The following PTPRD variants were observed in gnomAD, a reference collection of about 807,000 sequenced individuals.
PTPRD encodes the protein protein tyrosine phosphatase receptor type D, also known as receptor-type tyrosine-protein phosphatase delta.
A neutral mutation model predicts 214.5 loss-of-function variants in PTPRD; 34 were observed. The ratio of observed to expected loss-of-function variants is 0.16; its 90% CI spans 0.12 to 0.21. PTPRD has a LOEUF of 0.21. Among genes scored for constraint, PTPRD ranks in the 10% least tolerant of loss-of-function variants. The pLI, the probability that PTPRD is intolerant of heterozygous loss-of-function variation, is 1.00. For synonymous variants in PTPRD, 1,128 were observed against 845.7 expected (o/e 1.33, Z -5.79); for missense variants, 2,545 against 2,398.7 (o/e 1.06, Z -1.27).
intron 22 of PTPRD, 57 bp from the exon 23 acceptor site, chr9:8,504,462 A>C (rs1476087616): frequency 1.9e-6 from 3 of 1,582,378 alleles, no homozygotes; most frequent in Non-Finnish European, 2.6e-6. Context: ...AATACTTTTT[A>C]ATCATACTGT....
intron 5 of PTPRD, among the ~76,000 whole-genome samples, chr9:9,833,259 A>G (rs915298270): frequency 6.6e-6 from 1 of 152,020 alleles, no homozygotes; most frequent in Admixed American, 6.6e-5. Context: ...TACAAAAGAG[A>G]TAAATTTTAA....
intron 8 of PTPRD, among the ~76,000 whole-genome samples, chr9:9,550,389 CTATATATATGAAATGTATAAT>C (rs927661491): frequency 9.0e-5 from 13 of 144,750 alleles, no homozygotes; most frequent in South Asian, 6.5e-4. Flanking sequence ...AGTTCTCTCT[CTATATATATGAAATGTATAAT>C]TTTATATATA....
chr9:10,502,477 A>T (rs1023364057), intron 2 of PTPRD, among the ~76,000 whole-genome samples: 3 of 152,006 alleles, frequency 2.0e-5, no homozygotes, highest in Non-Finnish European at 2.9e-5. Flanking sequence ...TAAGGTAAAA[A>T]AGTTGACTCC....
intron 33 of PTPRD, among the ~76,000 whole-genome samples, chr9:8,457,152 C>G (rs1442486859): frequency 6.6e-6 from 1 of 152,010 alleles, no homozygotes; most frequent in Non-Finnish European, 1.5e-5. Flanking sequence ...ATTATCTGGT[C>G]CACCCACTAA....
At chr9:9,621,564 A>C (rs2095239883) in intron 7 of PTPRD, among the ~76,000 whole-genome samples, 1 of 152,232 alleles carries the variant, frequency 6.6e-6, no homozygotes, top group South Asian at 2.1e-4. Flanking sequence ...GTGGATGCTC[A>C]GTGTGAAAGC....
intron 11 of PTPRD, among the ~76,000 whole-genome samples, chr9:8,915,020 G>T (rs2098774687): frequency 6.6e-6 from 1 of 152,148 alleles, no homozygotes; most frequent in African/African-American, 2.4e-5. Context: ...GAGAACACAT[G>T]TTCAAGGAAC....
intron 2 of PTPRD, among the ~76,000 whole-genome samples, chr9:10,491,697 A>AAT: frequency 6.6e-6 from 1 of 152,044 alleles, no homozygotes; most frequent in South Asian, 2.1e-4. Flanking sequence ...GATATGCCAC[A>AAT]ATTTTCAGGG....
In PTPRD at chr9:10,084,667, T is replaced by TA. The variant is rs374205501; in HGVS notation, c.-544-50878_-544-50877insT. 5.1e-4 allele frequency among the ~76,000 whole-genome samples: 58 copies of TA among 114,622 alleles called. No homozygotes were observed. In the African/African-American group the frequency reaches 5.4e-3, roughly 11 times the overall value. The allele number at this position is 114,622 out of a possible 152,430, so 75.2% of individuals were successfully genotyped here. A position where few individuals can be genotyped will look rare whatever the true frequency, so the allele number is the denominator to read the frequency against. ...ACTTTCTGTAAAAGTTTAAATAATA[T>TA]TTTTTTTTAGGTTTTACAAGACACA... On this transcript the variant is annotated intron_variant, in intron 3 of 45. Coordinates refer to ENST00000381196, the MANE Select transcript of PTPRD (RefSeq NM_002839.4).
intron 2 of PTPRD, among the ~76,000 whole-genome samples, chr9:10,506,408 A>T (rs1394817395): frequency 6.6e-6 from 1 of 152,106 alleles, no homozygotes; most frequent in East Asian, 1.9e-4. Flanking sequence ...TTTTTCCATT[A>T]ATGTACTTGT....
intron 11 of PTPRD, among the ~76,000 whole-genome samples, chr9:8,946,704 A>G (rs1489410536): frequency 6.6e-6 from 1 of 152,118 alleles, no homozygotes; most frequent in Non-Finnish European, 1.5e-5. Context: ...TTAGAGTCAA[A>G]TGTTAACAGA....
chr9:9,618,071 C>CAAAAAAAAAAA (rs34125624), intron 7 of PTPRD, among the ~76,000 whole-genome samples: 13 of 23,024 alleles, frequency 5.6e-4, no homozygotes, highest in African/African-American at 1.0e-3. Context: ...GACTCCATCT[C>CAAAAAAAAAAA]AAAAAAAAAA....
intron 2 of PTPRD, among the ~76,000 whole-genome samples, chr9:10,368,605 T>C (rs189300454): frequency 1.3e-5 from 2 of 152,204 alleles, no homozygotes; most frequent in Admixed American, 1.3e-4. Context: ...AACATTGTAA[T>C]TGAGTAATTT....
chr9:9,151,566 T>C (rs1010090688), intron 10 of PTPRD, among the ~76,000 whole-genome samples: 2 of 152,218 alleles, frequency 1.3e-5, no homozygotes, highest in African/African-American at 4.8e-5. Flanking sequence ...TTTGAAATGG[T>C]TGAATACCAA....
intron 6 of PTPRD, among the ~76,000 whole-genome samples, chr9:9,765,819 C>T (rs1597196845): frequency 6.6e-6 from 1 of 151,184 alleles, no homozygotes; most frequent in Non-Finnish European, 1.5e-5. Flanking sequence ...CACCACCACC[C>T]CTGGCTAATT....
chr9:8,468,398 T>TA (rs1188011583), intron 31 of PTPRD, among the ~76,000 whole-genome samples: 32 of 151,996 alleles, frequency 2.1e-4, no homozygotes, highest in African/African-American at 7.5e-4. Flanking sequence ...CTGAATTAAA[T>TA]ATCACTAACA....
intron 11 of PTPRD, among the ~76,000 whole-genome samples, chr9:8,829,341 A>G (rs1181077494): frequency 6.6e-6 from 1 of 152,138 alleles, no homozygotes; most frequent in African/African-American, 2.4e-5. Context: ...TTTTGTCACT[A>G]TAGATTAGTT....
intron 9 of PTPRD, among the ~76,000 whole-genome samples, chr9:9,376,575 C>T (rs1016059546): frequency 2.0e-5 from 3 of 151,944 alleles, no homozygotes; most frequent in South Asian, 2.1e-4. Flanking sequence ...CAGAAATTGA[C>T]ATTTAATAAA....
intron 7 of PTPRD, among the ~76,000 whole-genome samples, chr9:9,685,021 C>G (rs1301776644): frequency 6.6e-6 from 1 of 151,452 alleles, no homozygotes; most frequent in Non-Finnish European, 1.5e-5. Flanking sequence ...ACAGTCAGCA[C>G]TTAAGAATTA....
intron 4 of PTPRD, among the ~76,000 whole-genome samples, chr9:9,954,025 G>T (rs568227249): frequency 9.2e-5 from 14 of 152,050 alleles, no homozygotes; most frequent in East Asian, 1.9e-4. Flanking sequence ...GGCTGGTTGC[G>T]GTGGCTCATG....
Sources: gnomAD v4.1 joint callset for allele counts (sites outside exome capture counted in the v4.1 genomes callset) on GRCh38, gnomAD v4.1.1 for gene constraint, MANE v1.5 for transcripts, NCBI Gene and HGNC (gene_info 2026-07-23, HGNC 2026-07-21) for gene names.